FGF14: variants seen among roughly 807,000 people sequenced by gnomAD.
FGF14 encodes fibroblast growth factor 14, also known as fibroblast growth factor homologous factor 4.
A neutral mutation model predicts 25.5 loss-of-function variants in FGF14; 5 were observed. The observed-to-expected ratio is 0.20, with a 90% CI of 0.10 to 0.41. The LOEUF is 0.41. FGF14 is among the 10% of genes least tolerant of loss of function. The pLI is 1.00. For missense variants in FGF14, 222 were observed against 320.1 expected, an observed-to-expected ratio of 0.69 and a Z score of 2.34; for synonymous variants, 138 against 118.3, an observed-to-expected ratio of 1.17 and a Z score of -1.08.
At chr13:102,374,973 T>C (rs1317703250) in intron 1 of FGF14, among the ~76,000 whole-genome samples, 1 of 151,996 alleles carries the variant, frequency 6.6e-6, no homozygotes, top group Non-Finnish European at 1.5e-5. Context: ...GATTAATAAA[T>C]ACACATTTGC....
intron 3 of FGF14, among the ~76,000 whole-genome samples, chr13:101,867,925 C>T (rs1217786722): frequency 6.7e-6 from 1 of 150,222 alleles, no homozygotes; most frequent in Admixed American, 6.7e-5. Flanking sequence ...CACACACACA[C>T]ACACACACAC....
At chr13:102,109,393 G>T (rs909740407) in intron 1 of FGF14, among the ~76,000 whole-genome samples, 1 of 152,046 alleles carries the variant, frequency 6.6e-6, no homozygotes, top group African/African-American at 2.4e-5. Context: ...CTTGAAAATT[G>T]CCAAGAGAAT....
rs774237770 is a variant in FGF14 at position 101,868,796 on chromosome 13, C to T, written c.337G>A (p.Val113Ile). The T allele has an allele frequency of 1.9e-6, 3 of 1,613,556 alleles. No individual in the cohort carries two copies. The South Asian group carries it at 3.3e-5, about 18-fold the overall frequency. The change falls in exon 3 of 5, where the codon GTT becomes ATT. Residue 113 changes from valine (V) to isoleucine (I), a missense_variant. Val to Ile is a conservative substitution (Grantham distance 29, BLOSUM62 3). Transcript: ENST00000376143. ...LFNLIPVGLR[V>I]VAIQGVKTGL... ...GTTTTCACTCCCTGGATGGCAACAACACGTAGTCCCACTGGTATGAGGTTG... is the reference window on the plus strand; with the variant it reads ...GTTTTCACTCCCTGGATGGCAACAATACGTAGTCCCACTGGTATGAGGTTG...
In FGF14 at chr13:102,032,542, C is replaced by G. The variant is rs9585837; in HGVS notation, c.209-157246G>C. 2.7e-3 allele frequency among the ~76,000 whole-genome samples: 406 copies of G among 152,118 alleles called. 2 individuals carry two copies. The highest frequency in any genetic ancestry group is 9.3e-3 in the African/African-American group (385 of 41,496). On this transcript the variant is annotated intron_variant, in intron 1 of 4. Coordinates refer to the FGF14 transcript ENST00000376131. ...TATCTTCCTATGGCATTTGGAAATT[C>G]CAGTATAGAATTTGACTTATTTTGA...
chr13:102,143,588 T>C (rs1296833262), intron 1 of FGF14, among the ~76,000 whole-genome samples: 1 of 152,160 alleles, frequency 6.6e-6, no homozygotes, highest in Non-Finnish European at 1.5e-5. Context: ...GTCTAAGAAA[T>C]TGACCTATTG....
intron 1 of FGF14, among the ~76,000 whole-genome samples, chr13:102,180,406 G>A (rs750039703): frequency 6.6e-6 from 1 of 152,044 alleles, no homozygotes; most frequent in Non-Finnish European, 1.5e-5. Flanking sequence ...TTTGCCTCCT[G>A]GGTTCAAGCG....
intron 1 of FGF14, among the ~76,000 whole-genome samples, chr13:102,162,357 C>T (rs572709613): frequency 2.6e-5 from 4 of 152,180 alleles, no homozygotes; most frequent in African/African-American, 4.8e-5. Flanking sequence ...TTGGCAAAAG[C>T]GGCCATGAGC....
intron 1 of FGF14, among the ~76,000 whole-genome samples, chr13:102,258,297 A>T (rs566348533): frequency 6.6e-6 from 1 of 152,254 alleles, no homozygotes; most frequent in East Asian, 1.9e-4. Context: ...GGAGCACAGC[A>T]GCAGCTTCAG....
chr13:102,390,525 T>C (rs1244879231), intron 1 of FGF14, among the ~76,000 whole-genome samples: 2 of 152,244 alleles, frequency 1.3e-5, no homozygotes, highest in African/African-American at 4.8e-5. Flanking sequence ...TTTAAGAGTA[T>C]GTATTCTGGA....
At chr13:101,977,858 T>C (rs183749820) in intron 1 of FGF14, among the ~76,000 whole-genome samples, 1 of 152,176 alleles carries the variant, frequency 6.6e-6, no homozygotes, top group African/African-American at 2.4e-5. Flanking sequence ...TTTCTTTAAC[T>C]TACATGCTTA....
chr13:102,064,293 C>G (rs1231215287), intron 1 of FGF14, among the ~76,000 whole-genome samples: 1 of 151,982 alleles, frequency 6.6e-6, no homozygotes, highest in Non-Finnish European at 1.5e-5. Context: ...AAAGTAAAAG[C>G]TGAAGTAGGG....
chr13:102,052,501 T>C (rs929284136), intron 1 of FGF14, among the ~76,000 whole-genome samples: 1 of 144,288 alleles, frequency 6.9e-6, no homozygotes, highest in Non-Finnish European at 1.6e-5. Flanking sequence ...AACCAATTTT[T>C]CAAAGACAGA....
intron 3 of FGF14, among the ~76,000 whole-genome samples, chr13:101,788,949 CAGAGAGAG>C (rs60324795): frequency 9.3e-5 from 7 of 75,046 alleles, no homozygotes; most frequent in Non-Finnish European, 1.6e-4. Flanking sequence ...GAGAGAGAGA[CAGAGAGAG>C]AGAGAGAGAG....
chr13:101,851,276 T>C (rs867227680), intron 3 of FGF14, among the ~76,000 whole-genome samples: 1 of 152,010 alleles, frequency 6.6e-6, no homozygotes, highest in Non-Finnish European at 1.5e-5. Context: ...AAGGTCAGGA[T>C]GGTGCTTCTA....
At chr13:102,218,515 T>G (rs570235848) in intron 1 of FGF14, among the ~76,000 whole-genome samples, 153 of 151,580 alleles carry the variant, frequency 1.0e-3, no homozygotes, top group African/African-American at 3.6e-3. Context: ...GCAAGAAAAC[T>G]TAGAAGGAAG....
intron 3 of FGF14, among the ~76,000 whole-genome samples, chr13:101,780,594 T>C (rs76472638): frequency 2.4e-4 from 36 of 152,288 alleles, no homozygotes; most frequent in East Asian, 1.9e-3. Context: ...TAATGACACA[T>C]GGTGGGATTT....
In FGF14 at chr13:102,092,052, G is replaced by A. The variant is rs116108622; in HGVS notation, c.209-216756C>T. 1.1e-3 allele frequency among the ~76,000 whole-genome samples: 173 copies of A among 152,288 alleles called. 2 individuals are homozygous for A. Among genetic ancestry groups the A allele is most frequent in the African/African-American group, 3.9e-3 (163 of 41,562 alleles). On this transcript the variant is annotated intron_variant, in intron 1 of 4. Coordinates refer to the FGF14 transcript ENST00000376131. ...GCAACAGCTACTGGTACTGACTGAT[G>A]TGGGGATGACACATTGGTGGCTGGG... is the stretch of plus-strand genomic sequence containing the variant.
chr13:101,732,731 C>T (rs898163129), intron 3 of FGF14, among the ~76,000 whole-genome samples: 13 of 152,186 alleles, frequency 8.5e-5, no homozygotes, highest in South Asian at 2.1e-4. Context: ...ATATTTACAA[C>T]GAGAAATTGA....
chr13:101,997,340 T>C (rs1277035463), intron 1 of FGF14, among the ~76,000 whole-genome samples: 1 of 152,170 alleles, frequency 6.6e-6, no homozygotes, highest in Admixed American at 6.5e-5. Flanking sequence ...CTCTCAGATA[T>C]CCCAGTTTCA....
Sources: gnomAD v4.1 joint callset for allele counts (sites outside exome capture counted in the v4.1 genomes callset) on GRCh38, gnomAD v4.1.1 for gene constraint, MANE v1.5 for transcripts, NCBI Gene and HGNC (gene_info 2026-07-23, HGNC 2026-07-21) for gene names.